Variants in SLC24A2 observed in about 807,000 individuals in gnomAD.
The protein encoded by SLC24A2 is sodium/potassium/calcium exchanger 2.
Under a neutral mutation model 62.0 loss-of-function variants are expected in SLC24A2, and 36 were observed. The ratio of observed to expected loss-of-function variants is 0.58; its 90% CI spans 0.44 to 0.77. The LOEUF (loss-of-function observed/expected upper bound fraction) is 0.77, where lower values mean the gene tolerates loss of function less well. Among genes scored for constraint, SLC24A2 ranks in the 30% least tolerant of loss-of-function variants. The pLI, the probability that SLC24A2 is intolerant of heterozygous loss-of-function variation, is 0.00. For synonymous variants in SLC24A2, 358 were observed against 294.0 expected (o/e 1.22, Z -2.23); for missense variants, 846 against 817.9 (o/e 1.03, Z -0.42).
the SLC24A2 span, among the ~76,000 whole-genome samples, chr9:20,155,174 A>G: frequency 2.0e-5 from 3 of 151,674 alleles, no homozygotes; most frequent in African/African-American, 4.8e-5. Context: ...TAGGGTGGCA[A>G]TTAGCTGTTA....
At chr9:19,549,983 G>C (rs936601231) in intron 8 of SLC24A2, among the ~76,000 whole-genome samples, 154 bp downstream of exon 8, 1 of 151,972 alleles carries the variant, frequency 6.6e-6, no homozygotes, top group African/African-American at 2.4e-5. Flanking sequence ...ATTTTTTCTT[G>C]TTACATAATA....
chr9:20,031,648 G>C, the SLC24A2 span, among the ~76,000 whole-genome samples: 1 of 152,100 alleles, frequency 6.6e-6, no homozygotes, highest in Non-Finnish European at 1.5e-5. Context: ...GAGATGAGCT[G>C]TAAAAGGTGT....
At chr9:19,973,159 G>A in the SLC24A2 span, among the ~76,000 whole-genome samples, 1 of 152,146 alleles carries the variant, frequency 6.6e-6, no homozygotes, top group Non-Finnish European at 1.5e-5. Context: ...GCAACACAAT[G>A]AGAACCCCAT....
chr9:19,753,151 G>A (rs1465812228), intron 2 of SLC24A2, among the ~76,000 whole-genome samples: 3 of 152,138 alleles, frequency 2.0e-5, no homozygotes, highest in South Asian at 2.1e-4. Context: ...AAAAGGCACC[G>A]TTTGAAGTCC....
At chr9:19,637,085 C>T (rs1818378214) in intron 2 of SLC24A2, among the ~76,000 whole-genome samples, 1 of 152,144 alleles carries the variant, frequency 6.6e-6, no homozygotes, top group African/African-American at 2.4e-5. Context: ...GTATCAAATG[C>T]TAACTGACGG....
At chr9:20,033,977 C>T in the SLC24A2 span, among the ~76,000 whole-genome samples, 1 of 152,190 alleles carries the variant, frequency 6.6e-6, no homozygotes, top group Admixed American at 6.5e-5. Flanking sequence ...CTCATGTGGC[C>T]TTCTAGGCTG....
At chr9:20,304,070 TG>T in the SLC24A2 span, among the ~76,000 whole-genome samples, 1 of 152,252 alleles carries the variant, frequency 6.6e-6, no homozygotes, top group African/African-American at 2.4e-5. Flanking sequence ...TCGTTAGTCT[TG>T]GGTTTTATGC....
intron 2 of SLC24A2, 62 bp downstream of exon 2, chr9:19,785,875 A>T: frequency 2.5e-6 from 4 of 1,610,692 alleles, no homozygotes. Context: ...CAGATCTCAA[A>T]AACATAATAA....
the SLC24A2 span, among the ~76,000 whole-genome samples, chr9:19,897,608 T>C: frequency 6.6e-6 from 1 of 152,220 alleles, no homozygotes; most frequent in Non-Finnish European, 1.5e-5. Context: ...GTCCTCATTA[T>C]ATTTGATTTT....
chr9:20,100,842 C>T, the SLC24A2 span, among the ~76,000 whole-genome samples: 1 of 152,092 alleles, frequency 6.6e-6, no homozygotes, highest in Non-Finnish European at 1.5e-5. Flanking sequence ...TTTCCATCCT[C>T]CTACTACCTG....
chr9:20,074,735 G>A, the SLC24A2 span, among the ~76,000 whole-genome samples: 1 of 151,982 alleles, frequency 6.6e-6, no homozygotes, highest in Non-Finnish European at 1.5e-5. Flanking sequence ...AGATCAAGCT[G>A]CTATTTAATA....
rs893467100 is a variant in SLC24A2 at position 19,515,280 on chromosome 9, A to C, written c.*873T>G. 3 of 151,938 alleles carry C rather than the reference A, an allele frequency of 2.0e-5. No homozygotes were observed. Among genetic ancestry groups the C allele is most frequent in the Non-Finnish European group, 4.4e-5 (3 of 67,996 alleles). The allele number at this position is 151,938 out of a possible 1,614,324, so 9.4% of individuals were successfully genotyped here. ...ACAACCCAACCCTGGTTACCTCCCCACTTCCCCAAACCAAGCCACCCAGCC... is the reference window on the plus strand; with the variant it reads ...ACAACCCAACCCTGGTTACCTCCCCCCTTCCCCAAACCAAGCCACCCAGCC... On this transcript the variant is annotated 3_prime_UTR_variant, in exon 11 of 11. Coordinates refer to ENST00000341998, the MANE Select transcript of SLC24A2 (RefSeq NM_020344.4).
At chr9:20,080,194 G>C in the SLC24A2 span, among the ~76,000 whole-genome samples, 2 of 152,164 alleles carry the variant, frequency 1.3e-5, no homozygotes, top group African/African-American at 4.8e-5. Flanking sequence ...AAAGAACAAA[G>C]CTGGAGGCAT....
the SLC24A2 span, among the ~76,000 whole-genome samples, chr9:20,018,353 T>C: frequency 6.6e-6 from 1 of 152,206 alleles, no homozygotes; most frequent in Non-Finnish European, 1.5e-5. Flanking sequence ...TTCCTCTATC[T>C]GTCTATCAAG....
At chr9:20,077,195 T>C in the SLC24A2 span, among the ~76,000 whole-genome samples, 7 of 151,906 alleles carry the variant, frequency 4.6e-5, no homozygotes, top group Non-Finnish European at 1.0e-4. Flanking sequence ...AGCAGATATG[T>C]AGGGTGAAGG....
chr9:20,014,064 AG>A, the SLC24A2 span, among the ~76,000 whole-genome samples: 1 of 152,014 alleles, frequency 6.6e-6, no homozygotes, highest in Non-Finnish European at 1.5e-5. Flanking sequence ...AAAAATTAGC[AG>A]GGTGTGGTGG....
chr9:20,083,076 G>A, the SLC24A2 span, among the ~76,000 whole-genome samples: 1 of 152,158 alleles, frequency 6.6e-6, no homozygotes, highest in African/African-American at 2.4e-5. Flanking sequence ...CTCCTTGTAT[G>A]TCTCACTCAG....
chr9:19,921,396 G>A, the SLC24A2 span, among the ~76,000 whole-genome samples: 2 of 151,616 alleles, frequency 1.3e-5, no homozygotes, highest in African/African-American at 4.9e-5. Context: ...GGTGGCGGGC[G>A]CCTGTAGTCC....
At position 19,510,290 on chromosome 9, in the gene SLC24A2, G is replaced by A. The variant is rs995967691; in HGVS notation, c.*5863C>T. 5.9e-5 allele frequency: 9 copies of A among 151,750 alleles called. No individual in the cohort carries two copies. The highest frequency in any genetic ancestry group is 1.2e-4 in the Non-Finnish European group (8 of 67,960). The allele number at this position is 151,750 out of a possible 1,614,324, so 9.4% of individuals were successfully genotyped here. Reference sequence around the variant, plus strand: ...GAACTTAAAAAGGCTTAGTAGAGAGGAACTATAAAAATTATTAAGAGGGTT... The same window carrying A: ...GAACTTAAAAAGGCTTAGTAGAGAGAAACTATAAAAATTATTAAGAGGGTT... On this transcript the variant is annotated 3_prime_UTR_variant, in exon 11 of 11. Transcript: ENST00000341998.
Sources: allele counts gnomAD v4.1 joint callset (sites outside exome capture counted in the v4.1 genomes callset), GRCh38; gene constraint gnomAD v4.1.1; transcripts MANE v1.5; gene names NCBI Gene and HGNC (gene_info 2026-07-23, HGNC 2026-07-21).